ZNF487: variants seen among roughly 807,000 people sequenced by gnomAD.
ZNF487 encodes the protein KRAB domain only 1.
ZNF487 carries 4 observed loss-of-function variants against 3.0 expected under a neutral mutation model. The observed-to-expected ratio is 1.35, with a 90% CI of 0.66 to 3.08. The LOEUF is 3.08. Among genes scored for constraint, ZNF487 ranks in the 30% most tolerant of loss-of-function variants. The probability of loss-of-function intolerance (pLI) is 0.01; values close to 1 mark genes in which losing one functional copy is unlikely to be tolerated. For synonymous variants in ZNF487, 55 were observed against 34.6 expected (o/e 1.59, Z -2.06); for missense variants, 146 against 98.7 (o/e 1.48, Z -2.03).
chr10:43,476,482 AATTTCAGTTATCTTCTTTTCATC>A (rs1302551304), intron 3 of ZNF487, among the ~76,000 whole-genome samples: 3 of 151,988 alleles, frequency 2.0e-5, no homozygotes, highest in African/African-American at 4.8e-5. Flanking sequence ...CTTCTATATC[AATTTCAGTTATCTTCTTTTCATC>A]ATATATTATG....
the ZNF487 span, among the ~76,000 whole-genome samples, chr10:43,504,293 C>CTTTTTTTTTTTTTTTTT: frequency 9.2e-6 from 1 of 108,984 alleles, no homozygotes; most frequent in Non-Finnish European, 1.7e-5. Context: ...TTCTTTCTTT[C>CTTTTTTTTTTTTTTTTT]TTTTTTTTTT....
At chr10:43,516,143 A>G in the ZNF487 span, among the ~76,000 whole-genome samples, 1 of 152,132 alleles carries the variant, frequency 6.6e-6, no homozygotes, top group African/African-American at 2.4e-5. Flanking sequence ...CAGCTTCATT[A>G]TGTTCCTTGG....
the ZNF487 span, among the ~76,000 whole-genome samples, chr10:43,498,099 A>ATATATATATATATATATATATATATATAT: frequency 5.0e-5 from 1 of 20,188 alleles, no homozygotes; most frequent in Non-Finnish European, 7.3e-5. Flanking sequence ...ATATATATAT[A>ATATATATATATATATATATATATATATAT]TTTTTTTTTT....
Position 43,481,680 on chromosome 10 carries a change from G to C in ZNF487, c.382G>C (p.Ala128Pro). ...SNRSSFVRNPAECNVRGKFLL... is the reference protein window; with the variant it reads ...SNRSSFVRNPPECNVRGKFLL... ...TAGAAGCTCCTTTGTAAGGAACCCT[G>C]CTGAGTGTAATGTACGTGGGAAATT... Residue 128 changes from alanine to proline, a missense_variant, in exon 4 of 4, where the codon GCT becomes CCT. Ala to Pro is a conservative substitution (Grantham distance 27, BLOSUM62 -1). Transcript: ENST00000437590. 1 of 705,156 alleles carries C rather than the reference G, an allele frequency of 1.4e-6. No individual in the cohort carries two copies. The highest frequency in any genetic ancestry group is 2.6e-6 in the Non-Finnish European group (1 of 379,958). 43.7% of individuals were successfully genotyped at this position (705,156 alleles called of 1,614,324 possible).
At chr10:43,490,943 G>C in the ZNF487 span, among the ~76,000 whole-genome samples, 10,628 of 149,878 alleles carry the variant, frequency 0.071, 687 homozygotes, top group East Asian at 0.19. Flanking sequence ...CAAAGTGCTG[G>C]GATTACAGGC....
intron 1 of ZNF487, among the ~76,000 whole-genome samples, chr10:43,449,934 C>T (rs148806245): frequency 0.021 from 3,169 of 152,218 alleles, 49 homozygotes; most frequent in Non-Finnish European, 0.03. Context: ...CCTGCCTTGG[C>T]CCCCAAAGTG....
chr10:43,478,785 C>T (rs1156979525), intron 3 of ZNF487, among the ~76,000 whole-genome samples: 1 of 151,316 alleles, frequency 6.6e-6, no homozygotes, highest in Non-Finnish European at 1.5e-5. Context: ...AACATGAAAC[C>T]TTAGAATATA....
the ZNF487 span, among the ~76,000 whole-genome samples, chr10:43,507,524 C>T: frequency 0.13 from 19,263 of 152,200 alleles, 2,636 homozygotes; most frequent in African/African-American, 0.34. Flanking sequence ...AGCCCACAAC[C>T]GAGGAGCTGA....
At chr10:43,445,351 T>C (rs1839759434) in intron 1 of ZNF487, among the ~76,000 whole-genome samples, 1 of 152,160 alleles carries the variant, frequency 6.6e-6, no homozygotes. Flanking sequence ...TCATTGTAGG[T>C]CATGTTTTCT....
chr10:43,472,821 G>A (rs1280999644), intron 1 of ZNF487, among the ~76,000 whole-genome samples: 4 of 151,898 alleles, frequency 2.6e-5, no homozygotes, highest in Non-Finnish European at 4.4e-5. Flanking sequence ...AACTTATTCT[G>A]TTATAATTTA....
intron 3 of ZNF487, among the ~76,000 whole-genome samples, chr10:43,477,653 GAAA>G (rs11285621): frequency 6.9e-6 from 1 of 145,660 alleles, no homozygotes; most frequent in Admixed American, 6.9e-5. Context: ...GGATTAGACT[GAAA>G]AAAAAAAAAA....
At chr10:43,504,271 T>C in the ZNF487 span, among the ~76,000 whole-genome samples, 37 of 150,768 alleles carry the variant, frequency 2.5e-4, no homozygotes, top group African/African-American at 8.7e-4. Context: ...ATGTGTTAGA[T>C]ACATGTTTTC....
the ZNF487 span, among the ~76,000 whole-genome samples, chr10:43,501,830 G>C: frequency 1.3e-5 from 2 of 150,630 alleles, no homozygotes; most frequent in African/African-American, 4.9e-5. Context: ...CTGCCACTCA[G>C]GCTGGAGTAC....
the ZNF487 span, among the ~76,000 whole-genome samples, chr10:43,501,785 T>A: frequency 1.7e-5 from 1 of 60,514 alleles, no homozygotes; most frequent in Non-Finnish European, 4.1e-5. Flanking sequence ...CCTTTTAACT[T>A]TCCTTTTTTT....
intron 1 of ZNF487, among the ~76,000 whole-genome samples, chr10:43,440,389 G>T (rs1490458687): frequency 6.6e-6 from 1 of 151,614 alleles, no homozygotes; most frequent in Non-Finnish European, 1.5e-5. Context: ...GGGCACAGTG[G>T]CTCACACCTA....
chr10:43,461,963 C>A (rs1217874256), intron 1 of ZNF487, among the ~76,000 whole-genome samples: 1 of 152,134 alleles, frequency 6.6e-6, no homozygotes, highest in Non-Finnish European at 1.5e-5. Context: ...CCCATTCAGA[C>A]CAAAAATTGT....
the ZNF487 span, among the ~76,000 whole-genome samples, chr10:43,520,233 T>C: frequency 1.3e-5 from 2 of 152,158 alleles, no homozygotes; most frequent in Non-Finnish European, 2.9e-5. Flanking sequence ...GAGAGAAAGA[T>C]CCCTCTTTCA....
chr10:43,470,457 C>T (rs952093940), intron 1 of ZNF487, among the ~76,000 whole-genome samples: 1 of 152,046 alleles, frequency 6.6e-6, no homozygotes, highest in East Asian at 1.9e-4. Flanking sequence ...GATCTCACCT[C>T]ACCGCAACCT....
chr10:43,475,060 C>G (rs544425378), intron 1 of ZNF487, among the ~76,000 whole-genome samples: 6 of 152,204 alleles, frequency 3.9e-5, no homozygotes, highest in African/African-American at 1.4e-4. Context: ...GGTGGGTCCC[C>G]AGTCTGTTGC....
Sources: allele counts gnomAD v4.1 joint callset (sites outside exome capture counted in the v4.1 genomes callset), GRCh38; gene constraint gnomAD v4.1.1; transcripts MANE v1.5; gene names NCBI Gene and HGNC (gene_info 2026-07-23, HGNC 2026-07-21).